Variants in ARHGAP29 observed in about 807,000 individuals in gnomAD.
ARHGAP29 encodes the protein Rho GTPase activating protein 29, also known as rho GTPase-activating protein 29.
In ARHGAP29, 43 loss-of-function variants were observed where a neutral mutation model predicts 122.6. That is an observed-to-expected ratio of 0.35 (90% confidence interval 0.27 to 0.45). ARHGAP29 has a LOEUF of 0.45. ARHGAP29 is among the 20% of genes least tolerant of loss of function. The pLI, the probability that ARHGAP29 is intolerant of heterozygous loss-of-function variation, is 1.00. For synonymous variants in ARHGAP29, 506 were observed against 497.1 expected, an observed-to-expected ratio of 1.02 and a Z score of -0.24; for missense variants, 1,303 against 1,477.2, an observed-to-expected ratio of 0.88 and a Z score of 1.93.
At chr1:94,259,727 G>C (rs1654485540) in intron 1 of ARHGAP29, among the ~76,000 whole-genome samples, 1 of 152,188 alleles carries the variant, frequency 6.6e-6, no homozygotes, top group Non-Finnish European at 1.5e-5. Flanking sequence ...CTCCAGAACT[G>C]TGAGAGAATC....
intron 3 of ARHGAP29, among the ~76,000 whole-genome samples, chr1:94,218,599 C>G (rs989145499): frequency 6.6e-6 from 1 of 152,100 alleles, no homozygotes; most frequent in African/African-American, 2.4e-5. Flanking sequence ...CACAAATTTC[C>G]CTATCTAAGT....
intron 3 of ARHGAP29, among the ~76,000 whole-genome samples, chr1:94,209,806 CAT>C (rs1243624939): frequency 5.9e-5 from 1 of 16,960 alleles, no homozygotes; most frequent in African/African-American, 7.0e-5. Context: ...TAATTAAAGT[CAT>C]ATATATATAC....
chr1:94,183,196 TA>T (rs68092052), intron 19 of ARHGAP29, among the ~76,000 whole-genome samples: 49,531 of 114,288 alleles, frequency 0.43, 8,317 homozygotes, highest in South Asian at 0.57. Context: ...ATATGTCAAT[TA>T]AAAAAAATTT....
chr1:94,205,497 T>C, intron 6 of ARHGAP29, 138 bp downstream of exon 6: 1 of 794,358 alleles, frequency 1.3e-6, no homozygotes, highest in Non-Finnish European at 2.0e-6. Context: ...CCTTAAGCTC[T>C]ATATGTAAAA....
intron 1 of ARHGAP29, among the ~76,000 whole-genome samples, chr1:94,266,359 C>T (rs1654771623): frequency 6.6e-6 from 1 of 152,190 alleles, no homozygotes; most frequent in Admixed American, 6.5e-5. Context: ...AGTCCAGAAA[C>T]TCCTCTCAAC....
At chr1:94,271,028 G>A (rs1177801879) in intron 1 of ARHGAP29, among the ~76,000 whole-genome samples, 5 of 152,220 alleles carry the variant, frequency 3.3e-5, no homozygotes, top group Non-Finnish European at 7.3e-5. Context: ...TCACAAGGCT[G>A]CAACCAAGAT....
the ARHGAP29 span, among the ~76,000 whole-genome samples, chr1:94,290,672 C>T: frequency 9.8e-5 from 15 of 152,306 alleles, no homozygotes; most frequent in East Asian, 9.6e-4. Context: ...GCCTTCATTT[C>T]GTCACTTACC....
intron 2 of ARHGAP29, among the ~76,000 whole-genome samples, chr1:94,223,466 G>A (rs1429075745): frequency 6.6e-6 from 1 of 151,990 alleles, no homozygotes; most frequent in Non-Finnish European, 1.5e-5. Context: ...GGGTTGTTCG[G>A]TTAAATGAAT....
chr1:94,204,990 A>C, intron 7 of ARHGAP29, 71 bp downstream of exon 7: 1 of 1,367,876 alleles, frequency 7.3e-7, no homozygotes, highest in Non-Finnish European at 9.7e-7. Context: ...ATTACTCATA[A>C]TCTGTAAAAA....
intron 12 of ARHGAP29, among the ~76,000 whole-genome samples, chr1:94,199,637 G>A (rs1288641628): frequency 6.6e-6 from 1 of 152,088 alleles, no homozygotes; most frequent in Non-Finnish European, 1.5e-5. Flanking sequence ...TCACCCCAGG[G>A]CCAGGTACCA....
chr1:94,196,557 G>A (rs540201178), intron 12 of ARHGAP29, among the ~76,000 whole-genome samples: 8 of 151,952 alleles, frequency 5.3e-5, no homozygotes, highest in South Asian at 2.1e-4. Context: ...CACCGCGCCC[G>A]GCCCCTGTTT....
intron 3 of ARHGAP29, among the ~76,000 whole-genome samples, chr1:94,213,801 T>C (rs994875811): frequency 1.3e-5 from 2 of 152,230 alleles, no homozygotes; most frequent in Non-Finnish European, 2.9e-5. Flanking sequence ...TTGAGAACTG[T>C]TGTGAAGATT....
chr1:94,173,210 T>C lies in ARHGAP29; in HGVS notation c.*659A>G, dbSNP rs1158969148. ...TATATAATTTAGAAACAGGTTTAAG[T>C]GCATTTTCTTTGTACAACTGACTAT... On this transcript the variant is annotated 3_prime_UTR_variant, in exon 23 of 23. Coordinates refer to ENST00000260526, the MANE Select transcript of ARHGAP29 (RefSeq NM_004815.4). 2 of 152,628 alleles carry C rather than the reference T, an allele frequency of 1.3e-5. No individual in the cohort carries two copies. The highest frequency in any genetic ancestry group is 2.9e-5 in the Non-Finnish European group (2 of 68,012). 9.5% of individuals were successfully genotyped at this position (152,628 alleles called of 1,614,324 possible).
At chr1:94,256,670 T>G (rs947137335) in intron 1 of ARHGAP29, among the ~76,000 whole-genome samples, 1 of 144,340 alleles carries the variant, frequency 6.9e-6, no homozygotes, top group Non-Finnish European at 1.5e-5. Flanking sequence ...GCCATTCTCC[T>G]GCCTCAGCCT....
At chr1:94,222,100 A>T (rs757507108) in intron 2 of ARHGAP29, among the ~76,000 whole-genome samples, 1 of 152,214 alleles carries the variant, frequency 6.6e-6, no homozygotes, top group Non-Finnish European at 1.5e-5. Context: ...AGCAACAAAT[A>T]AAGTAGTATT....
At chr1:94,291,694 T>C in the ARHGAP29 span, among the ~76,000 whole-genome samples, 1 of 152,216 alleles carries the variant, frequency 6.6e-6, no homozygotes. Context: ...AGGATTTTCT[T>C]TCTCCTTCAC....
the ARHGAP29 span, among the ~76,000 whole-genome samples, chr1:94,306,424 G>A: frequency 2.6e-5 from 4 of 152,210 alleles, no homozygotes; most frequent in Non-Finnish European, 5.9e-5. Flanking sequence ...GCCTAAGTAA[G>A]GGAAAACATA....
the ARHGAP29 span, among the ~76,000 whole-genome samples, chr1:94,282,949 G>A: frequency 6.6e-6 from 1 of 152,050 alleles, no homozygotes; most frequent in African/African-American, 2.4e-5. Context: ...AGTAAGGAAG[G>A]ATGTCTTTCC....
At chr1:94,182,591 G>C (rs1383781099) in intron 19 of ARHGAP29, among the ~76,000 whole-genome samples, 2 of 152,050 alleles carry the variant, frequency 1.3e-5, no homozygotes, top group Non-Finnish European at 2.9e-5. Context: ...AGTTAGAAAT[G>C]AGAAGGATTT....
Sources: allele counts gnomAD v4.1 joint callset (sites outside exome capture counted in the v4.1 genomes callset), GRCh38; gene constraint gnomAD v4.1.1; transcripts MANE v1.5; gene names NCBI Gene and HGNC (gene_info 2026-07-23, HGNC 2026-07-21).